Variants in MMP16 observed in about 807,000 individuals in gnomAD.
The protein encoded by MMP16 is matrix metalloproteinase-16.
A neutral mutation model predicts 67.8 loss-of-function variants in MMP16; 12 were observed. The ratio of observed to expected loss-of-function variants is 0.18; its 90% CI spans 0.11 to 0.29. The LOEUF is 0.29. Among genes scored for constraint, MMP16 ranks in the 10% least tolerant of loss-of-function variants. The pLI, the probability that MMP16 is intolerant of heterozygous loss-of-function variation, is 1.00. For missense variants in MMP16, 475 were observed against 765.7 expected, an observed-to-expected ratio of 0.62 and a Z score of 4.48; for synonymous variants, 249 against 255.9, an observed-to-expected ratio of 0.97 and a Z score of 0.26.
intron 4 of MMP16, among the ~76,000 whole-genome samples, chr8:88,142,624 A>C (rs1808231492): frequency 6.6e-6 from 1 of 152,170 alleles, no homozygotes; most frequent in Non-Finnish European, 1.5e-5. Context: ...TGAAAGATTT[A>C]CTAGAAATTA....
rs4043665 is a variant in MMP16 at position 88,186,602 on chromosome 8, C to CAAAAAAAAA, written c.282-13_282-5dup. The CAAAAAAAAA allele has an allele frequency of 6.8e-6, 8 of 1,168,282 alleles. No individual in the cohort carries two copies. Among genetic ancestry groups the CAAAAAAAAA allele is most frequent in the South Asian group, 4.8e-5 (2 of 41,348 alleles). The allele number at this position is 1,168,282 out of a possible 1,614,324, so 72.4% of individuals were successfully genotyped here. A position where few individuals can be genotyped will look rare whatever the true frequency, so the allele number is the denominator to read the frequency against. ...GCATCGGGGCTTCTTCATCCAGCTG[C>CAAAAAAAAA]AAAAAAAAAAAAAAAAAAAAAAAAG... On this transcript the variant is annotated splice_region_variant and splice_polypyrimidine_tract_variant and intron_variant, in intron 2 of 9. Transcript: ENST00000286614.
At chr8:88,055,988 A>G (rs1023265079) in intron 8 of MMP16, 140 bp downstream of exon 8, 3 of 537,544 alleles carry the variant, frequency 5.6e-6, no homozygotes, top group African/African-American at 2.0e-5. Context: ...TTTGAAATGT[A>G]AAACAATTTT....
At chr8:88,160,625 A>G (rs1363745326) in intron 4 of MMP16, among the ~76,000 whole-genome samples, 1 of 152,096 alleles carries the variant, frequency 6.6e-6, no homozygotes, top group Non-Finnish European at 1.5e-5. Flanking sequence ...TTAAAAAGTC[A>G]GGAAACAACA....
chr8:88,199,501 T>G (rs1490067999), intron 1 of MMP16, among the ~76,000 whole-genome samples: 1 of 151,966 alleles, frequency 6.6e-6, no homozygotes, highest in African/African-American at 2.4e-5. Context: ...CTAATCAAGA[T>G]TGATTTGTCA....
chr8:88,245,212 A>T (rs765989017), intron 1 of MMP16, among the ~76,000 whole-genome samples: 19 of 152,182 alleles, frequency 1.2e-4, no homozygotes, highest in Non-Finnish European at 2.6e-4. Flanking sequence ...ACATGTATAG[A>T]TCTATGTTTC....
In MMP16 at chr8:88,033,428, A is replaced by G. The variant is rs779260238; in HGVS notation, c.*8033T>C. The G allele has an allele frequency of 6.6e-6, 1 of 151,648 alleles. No homozygotes were observed. Among genetic ancestry groups the G allele is most frequent in the East Asian group, 1.9e-4 (1 of 5,190 alleles). The allele number at this position is 151,648 out of a possible 1,614,324, so 9.4% of individuals were successfully genotyped here. Reference sequence around the variant, plus strand: ...ATCAAGATAATGTTAATAAAGGTATACACGTTTTAAAATATCTTAAAGATA... The same window carrying G: ...ATCAAGATAATGTTAATAAAGGTATGCACGTTTTAAAATATCTTAAAGATA... On this transcript the variant is annotated 3_prime_UTR_variant, in exon 10 of 10. Coordinates refer to ENST00000286614, the MANE Select transcript of MMP16 (RefSeq NM_005941.5).
At chr8:88,279,044 A>ATGTTTTTTTCACTTTCTGCTCTTCTG (rs1810691873) in intron 1 of MMP16, among the ~76,000 whole-genome samples, 1 of 152,108 alleles carries the variant, frequency 6.6e-6, no homozygotes, top group Admixed American at 6.5e-5. Context: ...CAACATGATG[A>ATGTTTTTTTCACTTTCTGCTCTTCTG]AACCCCATCT....
chr8:88,074,790 T>A (rs752010857), intron 6 of MMP16, 47 bp from the exon 7 acceptor site: 1 of 1,591,110 alleles, frequency 6.3e-7, no homozygotes, highest in East Asian at 2.3e-5. Flanking sequence ...TAGGCCTCCC[T>A]GGCATTTCAC....
At chr8:88,249,158 A>G (rs1237745357) in intron 1 of MMP16, among the ~76,000 whole-genome samples, 1 of 151,998 alleles carries the variant, frequency 6.6e-6, no homozygotes, top group Admixed American at 6.6e-5. Context: ...TAAGAGAGCT[A>G]ACGTTCAAAA....
At chr8:88,147,382 T>G (rs1808311500) in intron 4 of MMP16, among the ~76,000 whole-genome samples, 1 of 152,092 alleles carries the variant, frequency 6.6e-6, no homozygotes, top group Non-Finnish European at 1.5e-5. Context: ...AAACTTTTCT[T>G]TTTAGTTACA....
At chr8:88,140,534 T>G (rs1808196325) in intron 4 of MMP16, among the ~76,000 whole-genome samples, 1 of 152,160 alleles carries the variant, frequency 6.6e-6, no homozygotes, top group African/African-American at 2.4e-5. Context: ...AACAGCCACA[T>G]GTGCCTTAAA....
At chr8:88,101,078 C>T (rs766514960) in intron 6 of MMP16, among the ~76,000 whole-genome samples, 1 of 151,804 alleles carries the variant, frequency 6.6e-6, no homozygotes, top group Non-Finnish European at 1.5e-5. Context: ...ACAAATGTAA[C>T]AAACCTGCAC....
chr8:88,242,220 G>C (rs534164950), intron 1 of MMP16, among the ~76,000 whole-genome samples: 1 of 152,272 alleles, frequency 6.6e-6, no homozygotes, highest in East Asian at 1.9e-4. Context: ...ATGGAGACGG[G>C]ACAAGAGCAC....
intron 4 of MMP16, among the ~76,000 whole-genome samples, chr8:88,156,546 T>C (rs112372737): frequency 1.1e-3 from 160 of 152,280 alleles, no homozygotes; most frequent in Non-Finnish European, 2.0e-3. Flanking sequence ...GTTGTTTACA[T>C]TGTAAGAAAT....
At chr8:88,245,872 A>G (rs1810106248) in intron 1 of MMP16, among the ~76,000 whole-genome samples, 1 of 152,316 alleles carries the variant, frequency 6.6e-6, no homozygotes, top group South Asian at 2.1e-4. Flanking sequence ...AATCATTATA[A>G]AGCTATCTTT....
At chr8:88,163,593 A>C (rs1405317983) in intron 4 of MMP16, among the ~76,000 whole-genome samples, 2 of 152,016 alleles carry the variant, frequency 1.3e-5, no homozygotes, top group African/African-American at 4.8e-5. Context: ...CTTTGCTTGG[A>C]GTATCCGTTT....
chr8:88,126,915 A>T (rs1260156314), intron 4 of MMP16, among the ~76,000 whole-genome samples: 2 of 151,878 alleles, frequency 1.3e-5, no homozygotes, highest in Admixed American at 6.6e-5. Flanking sequence ...AAAGAGTGGT[A>T]ATTTCAGTAA....
chr8:88,213,941 A>T (rs1809549475), intron 1 of MMP16, among the ~76,000 whole-genome samples: 1 of 152,052 alleles, frequency 6.6e-6, no homozygotes, highest in Non-Finnish European at 1.5e-5. Context: ...ATCTCTCTTC[A>T]CTTAGAGAAC....
At chr8:88,141,278 ATAGC>A (rs1458139830) in intron 4 of MMP16, among the ~76,000 whole-genome samples, 2 of 152,254 alleles carry the variant, frequency 1.3e-5, no homozygotes, top group Non-Finnish European at 2.9e-5. Context: ...AAGGCAGAAA[ATAGC>A]TAGTGAAAAT....
Sources: gnomAD v4.1 joint callset for allele counts (sites outside exome capture counted in the v4.1 genomes callset) on GRCh38, gnomAD v4.1.1 for gene constraint, MANE v1.5 for transcripts, NCBI Gene and HGNC (gene_info 2026-07-23, HGNC 2026-07-21) for gene names.